CCDC178: variants seen among roughly 807,000 people sequenced by gnomAD.
CCDC178 encodes the protein coiled-coil domain-containing protein 178.
In CCDC178, 126 loss-of-function variants were observed where a neutral mutation model predicts 117.4. The ratio of observed to expected loss-of-function variants is 1.07; its 90% CI spans 0.93 to 1.24. The LOEUF (loss-of-function observed/expected upper bound fraction) is 1.24, where lower values mean the gene tolerates loss of function less well. CCDC178 is among the 50% of genes most tolerant of loss of function. The probability of loss-of-function intolerance (pLI) is 0.00; values close to 1 mark genes in which losing one functional copy is unlikely to be tolerated. For missense variants in CCDC178, 1,030 were observed against 986.9 expected (o/e 1.04, Z -0.59); for synonymous variants, 283 against 313.4 (o/e 0.90, Z 1.02).
chr18:33,333,729 C>G (rs2062704665), intron 9 of CCDC178, among the ~76,000 whole-genome samples: 1 of 151,796 alleles, frequency 6.6e-6, no homozygotes, highest in African/African-American at 2.4e-5. Flanking sequence ...TCGGGCTGGT[C>G]TCAAACTCGC....
chr18:33,191,310 T>C (rs140714624), intron 20 of CCDC178, among the ~76,000 whole-genome samples: 2 of 152,164 alleles, frequency 1.3e-5, no homozygotes, highest in African/African-American at 2.4e-5. Flanking sequence ...TTAAGTCACA[T>C]AATGCTTAAT....
chr18:33,414,232 C>A (rs1353471561), intron 2 of CCDC178, among the ~76,000 whole-genome samples: 1 of 152,066 alleles, frequency 6.6e-6, no homozygotes, highest in Non-Finnish European at 1.5e-5. Flanking sequence ...AATCTGTGAA[C>A]TGAAAACTGC....
intron 15 of CCDC178, among the ~76,000 whole-genome samples, chr18:33,236,958 C>T (rs1415567032): frequency 6.6e-6 from 1 of 152,178 alleles, no homozygotes; most frequent in Non-Finnish European, 1.5e-5. Context: ...CCACAGTCCT[C>T]ATAAGCCCTG....
At chr18:33,031,783 G>A (rs2056348348) in intron 21 of CCDC178, among the ~76,000 whole-genome samples, 1 of 151,896 alleles carries the variant, frequency 6.6e-6, no homozygotes, top group Non-Finnish European at 1.5e-5. Flanking sequence ...TTATAACAAT[G>A]TTCATGGCAG....
chr18:33,111,223 T>C (rs1327671661), intron 20 of CCDC178, among the ~76,000 whole-genome samples: 1 of 151,628 alleles, frequency 6.6e-6, no homozygotes, highest in Non-Finnish European at 1.5e-5. Context: ...GGAGATACAA[T>C]TGATTTTTGT....
At chr18:33,226,644 A>G in intron 16 of CCDC178, 149 bp downstream of exon 16, 1 of 491,158 alleles carries the variant, frequency 2.0e-6, no homozygotes, top group East Asian at 3.3e-5. Flanking sequence ...CTGGTTGTAC[A>G]CAGAGGGCAA....
intron 22 of CCDC178, among the ~76,000 whole-genome samples, chr18:32,973,637 A>G (rs573554897): frequency 6.6e-6 from 1 of 152,272 alleles, no homozygotes; most frequent in South Asian, 2.1e-4. Context: ...GAAATTTGAA[A>G]TCGCTTCATA....
chr18:33,075,843 C>T (rs1195772846), intron 21 of CCDC178, among the ~76,000 whole-genome samples: 1 of 152,098 alleles, frequency 6.6e-6, no homozygotes, highest in Non-Finnish European at 1.5e-5. Flanking sequence ...GTGGTATATG[C>T]CTGTAATCCC....
At chr18:33,225,931 G>A (rs2059297874) in intron 16 of CCDC178, among the ~76,000 whole-genome samples, 2 of 152,184 alleles carry the variant, frequency 1.3e-5, no homozygotes, top group Non-Finnish European at 2.9e-5. Flanking sequence ...GGAGGCTGAG[G>A]CAGGCGGATC....
At chr18:33,005,550 C>T (rs116961898) in intron 21 of CCDC178, among the ~76,000 whole-genome samples, 2,973 of 151,784 alleles carry the variant, frequency 0.02, 41 homozygotes, top group Admixed American at 0.033. Flanking sequence ...TATTTGATAA[C>T]GCAACAGAGT....
intron 21 of CCDC178, among the ~76,000 whole-genome samples, chr18:32,975,205 CTT>C (rs1045458730): frequency 6.6e-6 from 1 of 152,098 alleles, no homozygotes; most frequent in Non-Finnish European, 1.5e-5. Context: ...AGAGAATTAA[CTT>C]AGCCATCAAC....
chr18:33,057,700 G>T (rs1197254194), intron 21 of CCDC178, among the ~76,000 whole-genome samples: 1 of 151,932 alleles, frequency 6.6e-6, no homozygotes, highest in Non-Finnish European at 1.5e-5. Context: ...CACCATGTTG[G>T]CCAGGCTGGT....
chr18:33,025,049 A>C (rs1004545706), intron 21 of CCDC178, among the ~76,000 whole-genome samples: 1 of 152,206 alleles, frequency 6.6e-6, no homozygotes, highest in African/African-American at 2.4e-5. Flanking sequence ...ATCCTTACGA[A>C]TACAGATATA....
intron 19 of CCDC178, among the ~76,000 whole-genome samples, chr18:33,214,936 G>A (rs1023102121): frequency 6.6e-6 from 1 of 151,804 alleles, no homozygotes; most frequent in Non-Finnish European, 1.5e-5. Flanking sequence ...ACTCCTCCAA[G>A]TCCAGTTCTC....
chr18:33,033,101 T>C (rs2056377583), intron 21 of CCDC178, among the ~76,000 whole-genome samples: 1 of 152,128 alleles, frequency 6.6e-6, no homozygotes, highest in Non-Finnish European at 1.5e-5. Flanking sequence ...TCATTTATGG[T>C]CTGTTGTATT....
chr18:33,272,174 A>C (rs566270321), intron 12 of CCDC178, among the ~76,000 whole-genome samples: 7 of 151,580 alleles, frequency 4.6e-5, no homozygotes, highest in African/African-American at 1.7e-4. Context: ...GTATACACTA[A>C]CCAAGAAAAA....
At chr18:32,990,739 G>A (rs1434424332) in intron 21 of CCDC178, among the ~76,000 whole-genome samples, 2 of 151,934 alleles carry the variant, frequency 1.3e-5, no homozygotes, top group African/African-American at 2.4e-5. Flanking sequence ...AAAAAGGGAA[G>A]CCATAACTGG....
chr18:33,063,372 G>C (rs1030497509), intron 21 of CCDC178, among the ~76,000 whole-genome samples: 1 of 152,134 alleles, frequency 6.6e-6, no homozygotes, highest in African/African-American at 2.4e-5. Flanking sequence ...AGCTCTCCCA[G>C]ACTGCTGCCA....
chr18:33,212,068 AATTCCATGTGCC>A lies in CCDC178; in HGVS notation c.2079-25_2079-14del. 6.4e-7 allele frequency: 1 copy of A among 1,551,528 alleles called. No homozygotes were observed. The highest frequency in any genetic ancestry group is 8.7e-7 in the Non-Finnish European group (1 of 1,150,956). On this transcript the variant is annotated splice_polypyrimidine_tract_variant and intron_variant, in intron 19 of 22. Coordinates refer to ENST00000383096, the MANE Select transcript of CCDC178 (RefSeq NM_001105528.4). ...TATAAATTTGTTCCTGTGAAGAAAG[AATTCCATGTGCC>A]ACTAATCAATTCACATTTTATTTTT...
Sources: gnomAD v4.1 joint callset for allele counts (sites outside exome capture counted in the v4.1 genomes callset) on GRCh38, gnomAD v4.1.1 for gene constraint, MANE v1.5 for transcripts, NCBI Gene and HGNC (gene_info 2026-07-23, HGNC 2026-07-21) for gene names.